The following RAPGEF4 variants were observed in gnomAD, a reference collection of about 807,000 sequenced individuals.
The protein encoded by RAPGEF4 is Rap guanine nucleotide exchange factor 4.
A neutral mutation model predicts 147.9 loss-of-function variants in RAPGEF4; 66 were observed. That is an observed-to-expected ratio of 0.45 (90% CI 0.37 to 0.55). The LOEUF (loss-of-function observed/expected upper bound fraction) is 0.55. Among genes scored for constraint, RAPGEF4 ranks in the 20% least tolerant of loss-of-function variants. RAPGEF4 has a pLI of 0.00. For synonymous variants in RAPGEF4, 419 were observed against 442.7 expected (o/e 0.95, Z 0.67); for missense variants, 1,071 against 1,257.3 (o/e 0.85, Z 2.24).
intron 1 of RAPGEF4, among the ~76,000 whole-genome samples, chr2:172,748,522 T>C (rs1046030391): frequency 2.0e-5 from 3 of 152,096 alleles, no homozygotes; most frequent in African/African-American, 7.2e-5. Context: ...AAGAACAGAA[T>C]TGGGGAAGCT....
In RAPGEF4 at chr2:173,036,630, A is replaced by G. The variant is rs1405160091; in HGVS notation, c.2791A>G (p.Met931Val). 2 of 1,607,012 alleles carry G rather than the reference A, an allele frequency of 1.2e-6. No homozygotes were observed. Among genetic ancestry groups the G allele is most frequent in the Admixed American group, 3.4e-5 (2 of 58,752 alleles). Residue 931 changes from methionine (M) to valine (V), a missense_variant and splice_region_variant, in exon 29 of 31, where the codon ATG becomes GTG. Transcript: ENST00000397081. ...ATGTGGCTTTTATTTCTTTACAGAT[A>G]TGACATTTACTCATGAGGGGAACAA... ...IPFMPLLIKD[M>V]TFTHEGNKTF...
intron 10 of RAPGEF4, among the ~76,000 whole-genome samples, chr2:172,976,665 A>G (rs1691108603): frequency 6.6e-6 from 1 of 152,186 alleles, no homozygotes; most frequent in Admixed American, 6.5e-5. Context: ...GACAGGTCTA[A>G]AGGACTGGAA....
chr2:172,988,563 C>G (rs1417605962), intron 13 of RAPGEF4, 130 bp from the exon 14 acceptor site: 9 of 1,155,246 alleles, frequency 7.8e-6, no homozygotes, highest in African/African-American at 3.1e-5. Flanking sequence ...TATGTAATCC[C>G]CTTTGGCATC....
At chr2:172,776,201 G>A (rs1684145797) in intron 1 of RAPGEF4, among the ~76,000 whole-genome samples, 1 of 152,072 alleles carries the variant, frequency 6.6e-6, no homozygotes, top group African/African-American at 2.4e-5. Flanking sequence ...CACTCTATTG[G>A]ATATGAGAAA....
At chr2:172,998,432 G>T (rs763197344) in intron 16 of RAPGEF4, among the ~76,000 whole-genome samples, 2 of 152,190 alleles carry the variant, frequency 1.3e-5, no homozygotes, top group Admixed American at 1.3e-4. Flanking sequence ...ATGTAAAGCC[G>T]GCTGGGTGCA....
chr2:172,781,623 G>T lies in RAPGEF4; in HGVS notation c.66-13402G>T, dbSNP rs374582122. Among the ~76,000 whole-genome samples, 79 of 152,220 alleles carry T rather than the reference G, an allele frequency of 5.2e-4. No homozygotes were observed. The South Asian group carries it at 0.016, about 32-fold the overall frequency. ...TCCAATGCTGCATTTATGTACAGTC[G>T]TCCTGGGGTACCCATGGGAGGATTT... On this transcript the variant is annotated intron_variant, in intron 1 of 30. Transcript: ENST00000397081.
At chr2:173,011,011 G>GT (rs1405255208) in intron 17 of RAPGEF4, among the ~76,000 whole-genome samples, 2 of 152,116 alleles carry the variant, frequency 1.3e-5, no homozygotes, top group African/African-American at 2.4e-5. Context: ...CTGAACTTTC[G>GT]TGAGAAAAGG....
Position 172,994,954 on chromosome 2 carries a change from G to T in RAPGEF4, c.1491-1512G>T, listed in dbSNP as rs145355275. On this transcript the variant is annotated intron_variant, in intron 15 of 30. Coordinates refer to ENST00000397081, the MANE Select transcript of RAPGEF4 (RefSeq NM_007023.4). ...TTAGCTTCCTTTTGGTCTTGTGCGC[G>T]CACTATAGTTTTAGCTAACAGCTGC... is the stretch of plus-strand genomic sequence containing the variant. Among the ~76,000 whole-genome samples, 946 of 152,046 alleles carry T rather than the reference G, an allele frequency of 6.2e-3. 7 individuals are homozygous for T. Among genetic ancestry groups the T allele is most frequent in the Middle Eastern group, 0.024 (7 of 294 alleles).
intron 4 of RAPGEF4, among the ~76,000 whole-genome samples, chr2:172,864,223 G>C (rs1694358468): frequency 6.6e-6 from 1 of 152,200 alleles, no homozygotes; most frequent in Non-Finnish European, 1.5e-5. Flanking sequence ...TAGTGAGAGA[G>C]ATACCTGAGG....
At chr2:173,048,761 A>G in intron 30 of RAPGEF4, 107 bp downstream of exon 30, 2 of 1,552,842 alleles carry the variant, frequency 1.3e-6, no homozygotes, top group Non-Finnish European at 1.7e-6. Context: ...TGACTGTGTC[A>G]GAGACACTTT....
intron 4 of RAPGEF4, among the ~76,000 whole-genome samples, chr2:172,837,366 A>G (rs1026596665): frequency 6.6e-6 from 1 of 152,136 alleles, no homozygotes. Flanking sequence ...CCAGGGTTGT[A>G]TGGCTAGTAA....
chr2:172,872,657 C>G (rs1050173810), intron 4 of RAPGEF4, among the ~76,000 whole-genome samples: 5 of 152,052 alleles, frequency 3.3e-5, no homozygotes, highest in African/African-American at 4.8e-5. Flanking sequence ...GCACTTCCCC[C>G]CTCGCTCCCT....
At chr2:172,760,134 T>C (rs1182662198) in intron 1 of RAPGEF4, among the ~76,000 whole-genome samples, 1 of 152,296 alleles carries the variant, frequency 6.6e-6, no homozygotes, top group East Asian at 1.9e-4. Context: ...ATAACTGCTC[T>C]ACTATGCAAA....
At chr2:172,762,435 A>G (rs1306156410) in intron 1 of RAPGEF4, among the ~76,000 whole-genome samples, 1 of 152,190 alleles carries the variant, frequency 6.6e-6, no homozygotes. Flanking sequence ...GGAGTCCCAA[A>G]AGTGGTTGGA....
chr2:173,010,330 G>A lies in RAPGEF4; in HGVS notation c.1659-4134G>A, dbSNP rs568555897. On this transcript the variant is annotated intron_variant, in intron 17 of 30. Coordinates refer to ENST00000397081, the MANE Select transcript of RAPGEF4 (RefSeq NM_007023.4). ...AAAACTAGAACTTTATGAGATATAG[G>A]AACCATGTTGTCTTTCTGCATCTCT... Among the ~76,000 whole-genome samples the A allele has an allele frequency of 3.9e-5, 6 of 152,286 alleles. No homozygotes were observed. The South Asian group carries it at 1.2e-3, about 32-fold the overall frequency.
chr2:172,887,269 A>G (rs1399659962), intron 4 of RAPGEF4, among the ~76,000 whole-genome samples: 1 of 152,248 alleles, frequency 6.6e-6, no homozygotes, highest in East Asian at 1.9e-4. Context: ...AATAGCTTTA[A>G]ATTTAATGAT....
chr2:172,784,523 A>AC (rs1339974708), intron 1 of RAPGEF4, among the ~76,000 whole-genome samples: 2 of 152,020 alleles, frequency 1.3e-5, no homozygotes, highest in Non-Finnish European at 2.9e-5. Flanking sequence ...TAAAAAAAAA[A>AC]AAAAAAAGAT....
chr2:172,965,529 C>T, intron 8 of RAPGEF4, 33 bp from the exon 9 acceptor site: 1 of 1,606,992 alleles, frequency 6.2e-7, no homozygotes, highest in Non-Finnish European at 8.5e-7. Context: ...AAAGGGGTGA[C>T]TTCCCCACCC....
At chr2:172,964,187 G>C (rs761702289) in intron 8 of RAPGEF4, among the ~76,000 whole-genome samples, 4 of 152,128 alleles carry the variant, frequency 2.6e-5, no homozygotes, top group Non-Finnish European at 4.4e-5. Flanking sequence ...AGGTGACTGT[G>C]CCCACTGAAG....
Sources: gnomAD v4.1 joint callset for allele counts (sites outside exome capture counted in the v4.1 genomes callset) on GRCh38, gnomAD v4.1.1 for gene constraint, MANE v1.5 for transcripts, NCBI Gene and HGNC (gene_info 2026-07-23, HGNC 2026-07-21) for gene names.